RIMS2: variants seen among roughly 807,000 people sequenced by gnomAD.
RIMS2 encodes the protein regulating synaptic membrane exocytosis 2, also known as regulating synaptic membrane exocytosis protein 2.
RIMS2 carries 59 observed loss-of-function variants against 174.4 expected under a neutral mutation model. That is an observed-to-expected ratio of 0.34 (90% CI 0.27 to 0.42). The LOEUF (loss-of-function observed/expected upper bound fraction) is 0.42. RIMS2 is among the 10% of genes least tolerant of loss of function. The pLI is 1.00. For missense variants in RIMS2, 1,620 were observed against 1,666.3 expected (o/e 0.97, Z 0.48); for synonymous variants, 606 against 572.5 (o/e 1.06, Z -0.84).
intron 1 of RIMS2, among the ~76,000 whole-genome samples, chr8:103,693,953 A>G (rs1287302602): frequency 6.6e-6 from 1 of 152,008 alleles, no homozygotes; most frequent in Non-Finnish European, 1.5e-5. Flanking sequence ...ACTGGGATGG[A>G]CCCAGAGTCC....
At chr8:104,082,461 T>C (rs2097440827) in intron 19 of RIMS2, among the ~76,000 whole-genome samples, 1 of 152,158 alleles carries the variant, frequency 6.6e-6, no homozygotes, top group Non-Finnish European at 1.5e-5. Context: ...ATGTAACACA[T>C]GAAGTGAAGG....
At chr8:104,036,801 C>T (rs374259275) in intron 19 of RIMS2, among the ~76,000 whole-genome samples, 11 of 151,936 alleles carry the variant, frequency 7.2e-5, no homozygotes, top group South Asian at 2.1e-4. Flanking sequence ...CGCTTGAACC[C>T]GGGAGGCGGA....
intron 1 of RIMS2, among the ~76,000 whole-genome samples, chr8:103,539,796 A>G (rs564860781): frequency 1.3e-5 from 2 of 152,292 alleles, no homozygotes; most frequent in Admixed American, 1.3e-4. Context: ...AGCTGCAGTC[A>G]CCCTGAGAGT....
chr8:103,513,981 T>A (rs183780755), intron 1 of RIMS2, among the ~76,000 whole-genome samples: 1 of 152,308 alleles, frequency 6.6e-6, no homozygotes, highest in Admixed American at 6.5e-5. Flanking sequence ...ATTATATAAC[T>A]CTTTTGTTTA....
intron 19 of RIMS2, among the ~76,000 whole-genome samples, chr8:104,244,459 G>C (rs1297319733): frequency 6.6e-6 from 1 of 152,022 alleles, no homozygotes; most frequent in African/African-American, 2.4e-5. Context: ...CTCACCATCT[G>C]TTTCTTTGTA....
chr8:104,084,513 A>G (rs1213703030), intron 19 of RIMS2, among the ~76,000 whole-genome samples: 1 of 150,490 alleles, frequency 6.6e-6, no homozygotes, highest in Non-Finnish European at 1.5e-5. Context: ...CAGGTTTGGT[A>G]TTATCCTACT....
chr8:103,825,201 T>TA (rs2098781495), intron 3 of RIMS2, among the ~76,000 whole-genome samples: 1 of 152,006 alleles, frequency 6.6e-6, no homozygotes. Flanking sequence ...TTGCTTGTTC[T>TA]AAAACTTCAC....
intron 3 of RIMS2, among the ~76,000 whole-genome samples, chr8:103,816,419 C>A (rs2098718958): frequency 6.6e-6 from 1 of 152,104 alleles, no homozygotes; most frequent in African/African-American, 2.4e-5. Flanking sequence ...CTGTACTAGG[C>A]ACTATGCTAG....
chr8:103,819,433 T>C, intron 3 of RIMS2: 21 of 1,591,394 alleles, frequency 1.3e-5, no homozygotes, highest in Non-Finnish European at 1.8e-5. Context: ...TTTTATTTGA[T>C]GGTGTCAGCA....
chr8:103,720,693 C>A (rs1387824243), intron 2 of RIMS2, among the ~76,000 whole-genome samples: 2 of 152,036 alleles, frequency 1.3e-5, no homozygotes, highest in African/African-American at 4.8e-5. Flanking sequence ...TTATCAGCAA[C>A]ATAGAGGTAT....
At chr8:103,573,811 T>G (rs897516067) in intron 1 of RIMS2, among the ~76,000 whole-genome samples, 5 of 152,216 alleles carry the variant, frequency 3.3e-5, no homozygotes, top group Admixed American at 2.0e-4. Flanking sequence ...TCTGGATATT[T>G]AATGTTATTG....
intron 3 of RIMS2, among the ~76,000 whole-genome samples, chr8:103,866,854 CTTATT>C (rs984581271): frequency 1.2e-4 from 18 of 151,986 alleles, no homozygotes; most frequent in South Asian, 2.1e-4. Context: ...TTTTGTGACT[CTTATT>C]TTATTTTATT....
chr8:103,510,549 T>A (rs1229135345), intron 1 of RIMS2, among the ~76,000 whole-genome samples: 1 of 152,136 alleles, frequency 6.6e-6, no homozygotes, highest in East Asian at 1.9e-4. Flanking sequence ...AGGACCGAGA[T>A]TCTTGTTGGC....
chr8:104,096,143 C>T (rs989808179), intron 19 of RIMS2, among the ~76,000 whole-genome samples: 26 of 152,072 alleles, frequency 1.7e-4, no homozygotes, highest in African/African-American at 4.8e-4. Flanking sequence ...CAGAGAAAAG[C>T]TTTCCAAGGT....
intron 14 of RIMS2, among the ~76,000 whole-genome samples, chr8:103,958,960 G>T (rs150544716): frequency 2.0e-5 from 3 of 152,074 alleles, no homozygotes; most frequent in Non-Finnish European, 2.9e-5. Flanking sequence ...TAGGAAAAAC[G>T]CATCCAAAAA....
intron 16 of RIMS2, among the ~76,000 whole-genome samples, chr8:103,985,297 A>C (rs542543432): frequency 1.3e-5 from 2 of 151,844 alleles, no homozygotes; most frequent in African/African-American, 4.8e-5. Flanking sequence ...AATATGGTGA[A>C]ACCCCGTCTC....
At chr8:103,607,534 C>G (rs950999351) in intron 1 of RIMS2, among the ~76,000 whole-genome samples, 5 of 149,874 alleles carry the variant, frequency 3.3e-5, no homozygotes, top group African/African-American at 1.2e-4. Context: ...TTTCCTGAAT[C>G]TGAACGTTGG....
At chr8:103,673,349 C>G (rs7826206) in intron 1 of RIMS2, among the ~76,000 whole-genome samples, 7,318 of 152,278 alleles carry the variant, frequency 0.048, 585 homozygotes, top group African/African-American at 0.16. Context: ...TCCAACCCCA[C>G]ATTTCTCCTC....
At chr8:103,938,986 C>G (rs2081944990) in intron 13 of RIMS2, among the ~76,000 whole-genome samples, 1 of 152,164 alleles carries the variant, frequency 6.6e-6, no homozygotes, top group South Asian at 2.1e-4. Context: ...GTATAACCCC[C>G]CTCCTGGCTG....
Sources: allele counts gnomAD v4.1 joint callset (sites outside exome capture counted in the v4.1 genomes callset), GRCh38; gene constraint gnomAD v4.1.1; transcripts MANE v1.5; gene names NCBI Gene and HGNC (gene_info 2026-07-23, HGNC 2026-07-21).